Variants in ASTN2 observed in about 807,000 individuals in gnomAD.
ASTN2 encodes astrotactin-2.
ASTN2 carries 54 observed loss-of-function variants against 139.8 expected under a neutral mutation model. The observed-to-expected ratio is 0.39, with a 90% CI of 0.31 to 0.48. The LOEUF is 0.48. Ranked by LOEUF, ASTN2 falls within the 20% of genes least tolerant of loss-of-function variation. ASTN2 has a pLI of 0.95. For missense variants in ASTN2, 1,565 were observed against 1,725.1 expected (o/e 0.91, Z 1.64); for synonymous variants, 756 against 719.5 (o/e 1.05, Z -0.81).
intron 5 of ASTN2, among the ~76,000 whole-genome samples, chr9:117,050,699 A>G (rs2132667230): frequency 6.6e-6 from 1 of 152,162 alleles, no homozygotes; most frequent in Non-Finnish European, 1.5e-5. Context: ...GCTGATCCTG[A>G]CCCTGTGAAT....
At chr9:116,470,768 T>A (rs1848788039) in intron 20 of ASTN2, among the ~76,000 whole-genome samples, 1 of 152,150 alleles carries the variant, frequency 6.6e-6, no homozygotes, top group African/African-American at 2.4e-5. Context: ...GGAAGTTAAA[T>A]AAAGTCCAAT....
At chr9:117,228,769 C>T (rs984509371) in intron 2 of ASTN2, among the ~76,000 whole-genome samples, 7 of 152,072 alleles carry the variant, frequency 4.6e-5, no homozygotes, top group Non-Finnish European at 1.0e-4. Flanking sequence ...AATCCCAGCA[C>T]TTTAGGAGGC....
chr9:116,570,423 C>T (rs769676365), intron 19 of ASTN2, among the ~76,000 whole-genome samples: 4 of 151,834 alleles, frequency 2.6e-5, no homozygotes, highest in African/African-American at 9.7e-5. Context: ...GAATCTCACT[C>T]GGTCGCCCCG....
chr9:116,593,810 A>T (rs1854464489), intron 19 of ASTN2, among the ~76,000 whole-genome samples: 1 of 152,050 alleles, frequency 6.6e-6, no homozygotes, highest in Non-Finnish European at 1.5e-5. Context: ...ATGCTCTTCC[A>T]TCTGTCTGAA....
intron 10 of ASTN2, among the ~76,000 whole-genome samples, chr9:116,897,765 T>A (rs1564329308): frequency 6.6e-6 from 1 of 151,908 alleles, no homozygotes; most frequent in African/African-American, 2.4e-5. Context: ...TGACACCATT[T>A]AAAAAAAACA....
At chr9:116,820,901 TC>T in intron 11 of ASTN2, 118 bp from the exon 12 acceptor site, 1 of 1,074,786 alleles carries the variant, frequency 9.3e-7, no homozygotes, top group Non-Finnish European at 1.3e-6. Flanking sequence ...GTATTCAGTC[TC>T]CTTTTGTCAG....
At chr9:117,333,233 T>C (rs1251077408) in intron 1 of ASTN2, among the ~76,000 whole-genome samples, 3 of 152,200 alleles carry the variant, frequency 2.0e-5, no homozygotes, top group African/African-American at 4.8e-5. Context: ...TCACCTGCCA[T>C]TGACATGTGC....
At chr9:116,916,040 T>G (rs1025774314) in intron 10 of ASTN2, among the ~76,000 whole-genome samples, 1 of 152,164 alleles carries the variant, frequency 6.6e-6, no homozygotes, top group Non-Finnish European at 1.5e-5. Flanking sequence ...AGAACTGAAT[T>G]AAATTGCAGG....
At chr9:116,986,276 G>A (rs552354170) in intron 7 of ASTN2, among the ~76,000 whole-genome samples, 2 of 149,954 alleles carry the variant, frequency 1.3e-5, no homozygotes, top group South Asian at 2.1e-4. Flanking sequence ...TTCTCCTCCC[G>A]ACCGGATTCA....
intron 16 of ASTN2, among the ~76,000 whole-genome samples, chr9:116,661,679 G>A (rs991048523): frequency 7.2e-5 from 11 of 152,006 alleles, no homozygotes; most frequent in African/African-American, 1.2e-4. Context: ...GAATGGATGC[G>A]GTCTGAACTT....
chr9:116,690,829 TA>T (rs1300112775), intron 16 of ASTN2, among the ~76,000 whole-genome samples: 3 of 152,092 alleles, frequency 2.0e-5, no homozygotes, highest in South Asian at 2.1e-4. Context: ...TGAGAACATA[TA>T]AAAAAATGCC....
intron 22 of ASTN2, among the ~76,000 whole-genome samples, chr9:116,430,602 A>G (rs1284583013): frequency 6.6e-6 from 1 of 152,166 alleles, no homozygotes; most frequent in Admixed American, 6.5e-5. Context: ...AAGTCACTTC[A>G]CCTCCCTAAG....
At chr9:117,128,299 G>A (rs1451993331) in intron 4 of ASTN2, among the ~76,000 whole-genome samples, 3 of 146,188 alleles carry the variant, frequency 2.1e-5, no homozygotes, top group South Asian at 2.2e-4. Context: ...GCTTGAACCC[G>A]GGAGGTGGAG....
rs563065470 is a variant in ASTN2, at chr9:117,073,437, G to A, written c.1276+22607C>T. ...TTCCTACTGTCCACCCTCCAGTCCA[G>A]GCAGGGTTGTGAGACCCTCTTCTGG... On this transcript the variant is annotated intron_variant, in intron 5 of 22. Transcript: ENST00000313400. Among the ~76,000 whole-genome samples the A allele has an allele frequency of 7.2e-5, 11 of 152,184 alleles. No individual in the cohort carries two copies. The East Asian group carries it at 2.1e-3, about 29-fold the overall frequency.
At chr9:116,968,916 AG>A (rs1368512380) in intron 10 of ASTN2, among the ~76,000 whole-genome samples, 19 of 150,988 alleles carry the variant, frequency 1.3e-4, no homozygotes, top group Non-Finnish European at 1.9e-4. Context: ...AAAAAAAAAA[AG>A]TTCCTCCTTA....
intron 16 of ASTN2, among the ~76,000 whole-genome samples, chr9:116,682,406 C>G (rs7854862): frequency 0.045 from 6,909 of 152,142 alleles, 538 homozygotes; most frequent in African/African-American, 0.16. Context: ...GGAGAAATAG[C>G]AACACTTTTA....
intron 7 of ASTN2, among the ~76,000 whole-genome samples, chr9:116,985,923 C>G (rs1836665668): frequency 6.6e-6 from 1 of 152,206 alleles, no homozygotes; most frequent in South Asian, 2.1e-4. Context: ...GTCAGCCTGG[C>G]AACCAAGGCC....
At chr9:117,160,322 G>A (rs532276409) in intron 3 of ASTN2, among the ~76,000 whole-genome samples, 1 of 152,066 alleles carries the variant, frequency 6.6e-6, no homozygotes, top group South Asian at 2.1e-4. Flanking sequence ...ACACAGAAGT[G>A]GTATAGTATT....
chr9:117,404,523 GATTT>G (rs1830925698), intron 1 of ASTN2, among the ~76,000 whole-genome samples: 1 of 152,046 alleles, frequency 6.6e-6, no homozygotes, highest in African/African-American at 2.4e-5. Context: ...TATATATTTG[GATTT>G]ATATAGCATT....
Sources: gnomAD v4.1 joint callset for allele counts (sites outside exome capture counted in the v4.1 genomes callset) on GRCh38, gnomAD v4.1.1 for gene constraint, MANE v1.5 for transcripts, NCBI Gene and HGNC (gene_info 2026-07-23, HGNC 2026-07-21) for gene names.